Variants in SIAH3 observed in about 807,000 individuals in gnomAD.
SIAH3 encodes the protein seven in absentia homolog 3.
SIAH3 carries 9 observed loss-of-function variants against 12.6 expected under a neutral mutation model. That is an observed-to-expected ratio of 0.72 (90% CI 0.43 to 1.25). The LOEUF (loss-of-function observed/expected upper bound fraction) is 1.25, where lower values mean the gene tolerates loss of function less well. Ranked by LOEUF, SIAH3 falls within the 50% of genes most tolerant of loss-of-function variation. The pLI, the probability that SIAH3 is intolerant of heterozygous loss-of-function variation, is 0.00. For missense variants in SIAH3, 390 were observed against 365.4 expected, an observed-to-expected ratio of 1.07 and a Z score of -0.55; for synonymous variants, 154 against 151.1, an observed-to-expected ratio of 1.02 and a Z score of -0.14.
At chr13:45,832,168 GTAAA>G (rs1950701736) in intron 1 of SIAH3, among the ~76,000 whole-genome samples, 3 of 152,230 alleles carry the variant, frequency 2.0e-5, no homozygotes, top group Admixed American at 2.0e-4. Context: ...TTTGAGCAAA[GTAAA>G]TATATTCTGT....
At chr13:45,837,720 A>G (rs1950723738) in intron 1 of SIAH3, among the ~76,000 whole-genome samples, 1 of 152,164 alleles carries the variant, frequency 6.6e-6, no homozygotes, top group Non-Finnish European at 1.5e-5. Context: ...TATATTTACC[A>G]TATTAATTCT....
In SIAH3 at chr13:45,783,923, AAGGTGGTGGGGGTGGGCGTGGTGGCGG is replaced by A. The variant is rs1454288225; in HGVS notation, c.243_269del (p.Arg82_Leu90del). On this transcript the variant is annotated inframe_deletion, in exon 2 of 2. Coordinates refer to ENST00000400405, the MANE Select transcript of SIAH3 (RefSeq NM_198849.3). ...CGTGCAGCCCCGCCTCCTGGTGGTG[AAGGTGGTGGGGGTGGGCGTGGTGGCGG>A]AGGTGGTGGTGGTGGCGGTGGTGGC... The A allele has an allele frequency of 1.2e-6, 2 of 1,610,154 alleles. No individual in the cohort carries two copies. Among genetic ancestry groups the A allele is most frequent in the Non-Finnish European group, 1.7e-6 (2 of 1,178,288 alleles).
In SIAH3 at chr13:45,783,270, TAAAA is replaced by T; in HGVS notation, c.*109_*112del. On this transcript the variant is annotated 3_prime_UTR_variant, in exon 2 of 2. Coordinates refer to ENST00000400405, the MANE Select transcript of SIAH3 (RefSeq NM_198849.3). The stretch of plus-strand genomic sequence containing the variant: ...CAAAAAAATAATAATAATTAAAAAT[TAAAA>T]AAAAAAAAAAGAAAGGAGAAGAATA... 7.0e-6 allele frequency: 4 copies of T among 568,434 alleles called. No individual in the cohort carries two copies. Among genetic ancestry groups the T allele is most frequent in the Non-Finnish European group, 1.1e-5 (4 of 378,924 alleles). The allele number at this position is 568,434 out of a possible 1,614,324, so 35.2% of individuals were successfully genotyped here. A position where few individuals can be genotyped will look rare whatever the true frequency, so the allele number is the denominator to read the frequency against.
intron 1 of SIAH3, among the ~76,000 whole-genome samples, chr13:45,823,420 C>G (rs1950663394): frequency 6.6e-6 from 1 of 152,218 alleles, no homozygotes; most frequent in Non-Finnish European, 1.5e-5. Context: ...CAAGGCAAGT[C>G]TGCCCTATTT....
At position 45,781,340 on chromosome 13, in the gene SIAH3, G is replaced by A. The variant is rs1349181505; in HGVS notation, c.*2043C>T. ...CAGGAGAGGACCTGTGGCTTCTAAA[G>A]GCATAAGACTTACAGCCAAGGGGGT... On this transcript the variant is annotated 3_prime_UTR_variant, in exon 2 of 2. Coordinates refer to ENST00000400405, the MANE Select transcript of SIAH3 (RefSeq NM_198849.3). 3 of 152,258 alleles carry A rather than the reference G, an allele frequency of 2.0e-5. No individual in the cohort carries two copies. Among genetic ancestry groups the A allele is most frequent in the African/African-American group, 4.8e-5 (2 of 41,450 alleles). 9.4% of individuals were successfully genotyped at this position (152,258 alleles called of 1,614,324 possible). A position where few individuals can be genotyped will look rare whatever the true frequency, so the allele number is the denominator to read the frequency against.
intron 1 of SIAH3, among the ~76,000 whole-genome samples, chr13:45,795,690 G>C (rs886326703): frequency 6.6e-6 from 1 of 152,152 alleles, no homozygotes; most frequent in Non-Finnish European, 1.5e-5. Context: ...TTTTGAGCTT[G>C]TTAGTAGTGG....
Position 45,782,356 on chromosome 13 carries a change from C to T in SIAH3, c.*1027G>A, listed in dbSNP as rs939383718. The T allele has an allele frequency of 2.6e-5, 4 of 152,112 alleles. No individual in the cohort carries two copies. Among genetic ancestry groups the T allele is most frequent in the African/African-American group, 4.8e-5 (2 of 41,418 alleles). 9.4% of individuals were successfully genotyped at this position (152,112 alleles called of 1,614,324 possible). On this transcript the variant is annotated 3_prime_UTR_variant, in exon 2 of 2. Transcript: ENST00000400405. The stretch of plus-strand genomic sequence containing the variant: ...CCAGGTTTGTAAGTGATGACCAGCC[C>T]GCCAGGTCAGAGATCCTGGGTGCCA...
intron 1 of SIAH3, 143 bp downstream of exon 1, chr13:45,851,352 A>G (rs138472776): frequency 1.0e-5 from 11 of 1,103,040 alleles, no homozygotes; most frequent in Non-Finnish European, 1.5e-5. Context: ...AGCCGAGGCA[A>G]ACACGCCGGG....
chr13:45,787,894 C>A (rs1274671817), intron 1 of SIAH3, among the ~76,000 whole-genome samples: 2 of 152,214 alleles, frequency 1.3e-5, no homozygotes, highest in African/African-American at 4.8e-5. Flanking sequence ...CAGCAAGACC[C>A]AACCCTTGTC....
chr13:45,797,659 T>C (rs1481871751), intron 1 of SIAH3, among the ~76,000 whole-genome samples: 1 of 152,114 alleles, frequency 6.6e-6, no homozygotes, highest in Admixed American at 6.5e-5. Flanking sequence ...ATACAGCAGG[T>C]CTGGCATGGG....
chr13:45,819,892 G>A (rs1440554740), intron 1 of SIAH3, among the ~76,000 whole-genome samples: 6 of 152,200 alleles, frequency 3.9e-5, no homozygotes, highest in Admixed American at 3.3e-4. Flanking sequence ...AGAACAGAAA[G>A]GGGTTCCTCA....
At position 45,835,820 on chromosome 13, in the gene SIAH3, T is replaced by C. The variant is rs117631725; in HGVS notation, c.135+15675A>G. Among the ~76,000 whole-genome samples the C allele has an allele frequency of 6.4e-4, 98 of 152,340 alleles. 1 individual carries two copies. In the East Asian group the frequency reaches 0.017, roughly 26 times the overall value. On this transcript the variant is annotated intron_variant, in intron 1 of 1. Transcript: ENST00000400405. ...TCTCACTGCTCCTCAGGCTCTGGACTTGTATATGACAGCTCTCTGAATATC... is the reference window on the plus strand; with the variant it reads ...TCTCACTGCTCCTCAGGCTCTGGACCTGTATATGACAGCTCTCTGAATATC...
chr13:45,790,096 T>G lies in SIAH3; in HGVS notation c.136-6039A>C, dbSNP rs76885573. 3.5e-3 allele frequency among the ~76,000 whole-genome samples: 535 copies of G among 152,320 alleles called. 1 individual carries two copies. The highest frequency in any genetic ancestry group is 0.013 in the African/African-American group (520 of 41,566). On this transcript the variant is annotated intron_variant, in intron 1 of 1. Coordinates refer to ENST00000400405, the MANE Select transcript of SIAH3 (RefSeq NM_198849.3). ...TGCTAAGTCAGGACTTCTGGTGCTCTGATGCCACTTCTTAACTGTATTGGA... is the reference window on the plus strand; with the variant it reads ...TGCTAAGTCAGGACTTCTGGTGCTCGGATGCCACTTCTTAACTGTATTGGA...
intron 1 of SIAH3, among the ~76,000 whole-genome samples, chr13:45,786,941 A>G (rs1950529968): frequency 6.6e-6 from 1 of 152,148 alleles, no homozygotes; most frequent in Non-Finnish European, 1.5e-5. Context: ...ATTCTTCCCC[A>G]GATCCATTTT....
intron 1 of SIAH3, among the ~76,000 whole-genome samples, chr13:45,806,879 T>C (rs925790320): frequency 1.3e-5 from 2 of 152,180 alleles, no homozygotes; most frequent in African/African-American, 4.8e-5. Context: ...ACCATGAATG[T>C]TCACTATATT....
At chr13:45,843,041 T>C (rs1225115121) in intron 1 of SIAH3, among the ~76,000 whole-genome samples, 1 of 151,214 alleles carries the variant, frequency 6.6e-6, no homozygotes, top group African/African-American at 2.4e-5. Flanking sequence ...TCTCTGTGTG[T>C]GTGTGTGTGT....
In SIAH3 at chr13:45,783,142, A is replaced by T. The variant is rs111241949; in HGVS notation, c.*241T>A. On this transcript the variant is annotated 3_prime_UTR_variant, in exon 2 of 2. Transcript: ENST00000400405. Reference sequence around the variant, plus strand: ...TACAAACATTCTATAAAACAACACCAACAAGGCAGGACAAACATCACACCA... The same window carrying T: ...TACAAACATTCTATAAAACAACACCTACAAGGCAGGACAAACATCACACCA... 296 of 295,408 alleles carry T rather than the reference A, an allele frequency of 1.0e-3. 1 individual carries two copies. The highest frequency in any genetic ancestry group is 6.1e-3 in the African/African-American group (283 of 46,310). 18.3% of individuals were successfully genotyped at this position (295,408 alleles called of 1,614,324 possible). A position where few individuals can be genotyped will look rare whatever the true frequency, so the allele number is the denominator to read the frequency against.
chr13:45,811,215 G>C (rs932136199), intron 1 of SIAH3, among the ~76,000 whole-genome samples: 1 of 152,200 alleles, frequency 6.6e-6, no homozygotes, highest in Non-Finnish European at 1.5e-5. Flanking sequence ...ATGAGTGCTG[G>C]TGGTGGTGAT....
chr13:45,821,567 T>G (rs896148673), intron 1 of SIAH3, among the ~76,000 whole-genome samples: 1 of 152,178 alleles, frequency 6.6e-6, no homozygotes, highest in African/African-American at 2.4e-5. Context: ...TCAAAAAAAT[T>G]TGGTGTCATA....
Sources: allele counts gnomAD v4.1 joint callset (sites outside exome capture counted in the v4.1 genomes callset), GRCh38; gene constraint gnomAD v4.1.1; transcripts MANE v1.5; gene names NCBI Gene and HGNC (gene_info 2026-07-23, HGNC 2026-07-21).